OCA2: variants seen among roughly 807,000 people sequenced by gnomAD.
OCA2 encodes the protein OCA2 melanosomal transmembrane protein.
OCA2 carries 77 observed loss-of-function variants against 100.2 expected under a neutral mutation model. The observed-to-expected ratio is 0.77, with a 90% CI of 0.64 to 0.93. OCA2 has a LOEUF of 0.93. OCA2 is among the 40% of genes least tolerant of loss of function. The pLI, the probability that OCA2 is intolerant of heterozygous loss-of-function variation, is 0.00. For missense variants in OCA2, 1,062 were observed against 1,089.1 expected (o/e 0.98, Z 0.35); for synonymous variants, 432 against 439.2 (o/e 0.98, Z 0.21).
At chr15:28,035,906 C>A (rs191943751) in intron 2 of OCA2, among the ~76,000 whole-genome samples, 1 of 152,100 alleles carries the variant, frequency 6.6e-6, no homozygotes, top group East Asian at 1.9e-4. Flanking sequence ...TCAGAGATAC[C>A]CAATGTTAAC....
Position 28,018,463 on chromosome 15 carries a change from T to C in OCA2, c.741A>G (p.Glu247=). 1.2e-6 allele frequency: 2 copies of C among 1,614,064 alleles called. No individual in the cohort carries two copies. The highest frequency in any genetic ancestry group is 1.7e-6 in the Non-Finnish European group (2 of 1,179,998). The part of the protein sequence containing the change: ...VASGPSRPGR[E]EHIVVELTQA... ...GGGTCAGCTCCACCACGATGTGCTC[T>C]TCCCTCCCAGGACGACTCGGCCCAC... Residue 247 remains glutamate, a synonymous_variant, in exon 7 of 24, where the codon GAA becomes GAG. Transcript: ENST00000354638.
chr15:27,985,262 T>C (rs1488866478), intron 12 of OCA2, 74 bp from the exon 13 acceptor site: 16 of 1,573,880 alleles, frequency 1.0e-5, no homozygotes, highest in Non-Finnish European at 1.2e-5. Flanking sequence ...CTTTCATTAG[T>C]GACTTTAAGA....
chr15:27,819,939 T>C (rs2034442381), intron 23 of OCA2, among the ~76,000 whole-genome samples: 1 of 152,096 alleles, frequency 6.6e-6, no homozygotes, highest in Non-Finnish European at 1.5e-5. Context: ...GTGGAACATA[T>C]CGCAGTGCTC....
intron 23 of OCA2, among the ~76,000 whole-genome samples, chr15:27,759,016 C>T (rs1020865842): frequency 6.6e-6 from 1 of 152,074 alleles, no homozygotes; most frequent in Non-Finnish European, 1.5e-5. Context: ...ACACAACAAT[C>T]AACAAATCAA....
At chr15:28,069,419 TCCCCCTCCCCCTCC>T (rs2044144030) in intron 2 of OCA2, among the ~76,000 whole-genome samples, 6 of 9,044 alleles carry the variant, frequency 6.6e-4, no homozygotes, top group South Asian at 5.8e-3. Flanking sequence ...CCCCTCCCCC[TCCCCCTCCCCCTCC>T]CCCTCTCCCC....
At chr15:27,897,034 C>T (rs899133801) in intron 19 of OCA2, among the ~76,000 whole-genome samples, 8 of 151,850 alleles carry the variant, frequency 5.3e-5, no homozygotes, top group Non-Finnish European at 1.2e-4. Flanking sequence ...ACTAAAAATA[C>T]AAAAAATTAG....
chr15:27,984,572 G>GT (rs776607259), intron 13 of OCA2, among the ~76,000 whole-genome samples: 1 of 151,956 alleles, frequency 6.6e-6, no homozygotes, highest in African/African-American at 2.4e-5. Context: ...TTGTTTGTTT[G>GT]TTTTTTGAGA....
At chr15:27,855,398 C>T (rs1378373127) in intron 21 of OCA2, among the ~76,000 whole-genome samples, 1 of 152,356 alleles carries the variant, frequency 6.6e-6, no homozygotes, top group East Asian at 1.9e-4. Flanking sequence ...CAGGCCTTCA[C>T]CTGAGCACCA....
chr15:28,016,691 G>A (rs372177083), intron 7 of OCA2, among the ~76,000 whole-genome samples: 11 of 152,100 alleles, frequency 7.2e-5, no homozygotes, highest in Middle Eastern at 3.4e-3. Flanking sequence ...TGAGGCGGGA[G>A]GATCCTGTGA....
At chr15:28,029,645 G>A (rs1483105625) in intron 3 of OCA2, among the ~76,000 whole-genome samples, 2 of 152,166 alleles carry the variant, frequency 1.3e-5, no homozygotes, top group Non-Finnish European at 2.9e-5. Context: ...GTGGCTACCA[G>A]TTGTCAGTTC....
intron 23 of OCA2, among the ~76,000 whole-genome samples, chr15:27,799,594 A>T (rs947715564): frequency 6.6e-6 from 1 of 151,990 alleles, no homozygotes; most frequent in Non-Finnish European, 1.5e-5. Context: ...AAAATACAAA[A>T]ATTAGCTGGG....
At chr15:27,889,916 A>C (rs2037385808) in intron 19 of OCA2, among the ~76,000 whole-genome samples, 1 of 152,200 alleles carries the variant, frequency 6.6e-6, no homozygotes. Context: ...CTGGAGCTTC[A>C]GTTTCCTCCA....
chr15:28,060,526 A>T (rs1414884221), intron 2 of OCA2, among the ~76,000 whole-genome samples: 2 of 152,240 alleles, frequency 1.3e-5, no homozygotes, highest in African/African-American at 4.8e-5. Context: ...TCAAAGGAAG[A>T]CGAGGTAACA....
At chr15:27,933,661 G>A (rs1026233741) in intron 18 of OCA2, among the ~76,000 whole-genome samples, 5 of 152,172 alleles carry the variant, frequency 3.3e-5, no homozygotes, top group Admixed American at 6.5e-5. Flanking sequence ...AGGCCAGGGC[G>A]GGAGTCACAA....
intron 18 of OCA2, among the ~76,000 whole-genome samples, chr15:27,932,498 G>A (rs1025592041): frequency 6.6e-6 from 1 of 152,136 alleles, no homozygotes; most frequent in Non-Finnish European, 1.5e-5. Context: ...GGGCGGTGGG[G>A]GCAGGCAGAG....
At chr15:27,815,977 C>T (rs1427625919) in intron 23 of OCA2, among the ~76,000 whole-genome samples, 1 of 151,876 alleles carries the variant, frequency 6.6e-6, no homozygotes, top group East Asian at 1.9e-4. Flanking sequence ...ACTAAAAATA[C>T]AAAAAAATTA....
intron 8 of OCA2, 63 bp downstream of exon 8, chr15:28,016,041 G>A: frequency 7.6e-7 from 1 of 1,322,702 alleles, no homozygotes. Context: ...CTATAGGTCA[G>A]ACTCCTTTAA....
intron 15 of OCA2, among the ~76,000 whole-genome samples, chr15:27,964,404 AAGT>A (rs1209213396): frequency 6.6e-6 from 1 of 152,230 alleles, no homozygotes; most frequent in African/African-American, 2.4e-5. Context: ...TTCACCATGT[AAGT>A]CATGCTCTCT....
Position 27,831,764 on chromosome 15 carries a change from T to C in OCA2, c.2432+13195A>G, listed in dbSNP as rs115981965. On this transcript the variant is annotated intron_variant, in intron 23 of 23. Transcript: ENST00000354638. The stretch of plus-strand genomic sequence containing the variant: ...TGGAGAGAGCACAGCCTGGCTCCTG[T>C]TGCCTCCGAGGCCCAGCTAGACACT... Among the ~76,000 whole-genome samples the C allele has an allele frequency of 5.9e-3, 901 of 152,316 alleles. 15 individuals carry two copies. The highest frequency in any genetic ancestry group is 0.02 in the African/African-American group (843 of 41,562).
Sources: allele counts gnomAD v4.1 joint callset (sites outside exome capture counted in the v4.1 genomes callset), GRCh38; gene constraint gnomAD v4.1.1; transcripts MANE v1.5; gene names NCBI Gene and HGNC (gene_info 2026-07-23, HGNC 2026-07-21).